FAM227A: variants seen among roughly 807,000 people sequenced by gnomAD.
FAM227A encodes the protein protein FAM227A.
FAM227A carries 80 observed loss-of-function variants against 74.7 expected under a neutral mutation model. The observed-to-expected ratio is 1.07, with a 90% CI of 0.89 to 1.29. The LOEUF is 1.29. Ranked by LOEUF, FAM227A falls within the 50% of genes most tolerant of loss-of-function variation. The probability of loss-of-function intolerance (pLI) is 0.00; values close to 1 mark genes in which losing one functional copy is unlikely to be tolerated. For synonymous variants in FAM227A, 237 were observed against 241.8 expected (o/e 0.98, Z 0.19); for missense variants, 654 against 683.4 (o/e 0.96, Z 0.48).
chr22:38,586,489 C>A (rs2090812334), intron 16 of FAM227A, among the ~76,000 whole-genome samples: 1 of 152,104 alleles, frequency 6.6e-6, no homozygotes, highest in Admixed American at 6.5e-5. Context: ...GGTACTACTC[C>A]ATTGGAGGTG....
intron 2 of FAM227A, among the ~76,000 whole-genome samples, chr22:38,648,336 G>T (rs1386911013): frequency 6.6e-6 from 1 of 151,280 alleles, no homozygotes; most frequent in Non-Finnish European, 1.5e-5. Flanking sequence ...GCTGGGTGCA[G>T]TGGCTCATGC....
At position 38,622,967 on chromosome 22, in the gene FAM227A, A is replaced by G. The variant is rs182883705; in HGVS notation, c.958+205T>C. ...CTCATTATCTGGCATCCACTATTCC[A>G]ATACAAAATTCCATCCCCTGCCTCC... is the stretch of plus-strand genomic sequence containing the variant. On this transcript the variant is annotated intron_variant, in intron 10 of 16. Coordinates refer to ENST00000535113, the MANE Select transcript of FAM227A (RefSeq NM_001013647.2). Among the ~76,000 whole-genome samples, 348 of 151,624 alleles carry G rather than the reference A, an allele frequency of 2.3e-3. 2 individuals are homozygous for G. The highest frequency in any genetic ancestry group is 3.7e-3 in the Non-Finnish European group (250 of 67,952).
At position 38,645,483 on chromosome 22, in the gene FAM227A, A is replaced by C. The variant is rs554731220; in HGVS notation, c.225+80T>G. 22 of 825,586 alleles carry C rather than the reference A, an allele frequency of 2.7e-5. No homozygotes were observed. The South Asian group carries it at 2.7e-4, about 10-fold the overall frequency. 51.1% of individuals were successfully genotyped at this position (825,586 alleles called of 1,614,324 possible). The stretch of plus-strand genomic sequence containing the variant: ...GTTTTCAAATAAATGGAGAGGCCCC[A>C]GGGCACTGCAACACCTTGATGATCC... On this transcript the variant is annotated intron_variant, in intron 3 of 16. Coordinates refer to ENST00000535113, the MANE Select transcript of FAM227A (RefSeq NM_001013647.2).
Position 38,628,901 on chromosome 22 carries a change from A to G in FAM227A, c.554T>C (p.Leu185Pro). 1.9e-6 allele frequency: 3 copies of G among 1,543,578 alleles called. No homozygotes were observed. The African/African-American group carries it at 4.1e-5, about 21-fold the overall frequency. ...GATGGCTCTTGGAGAAGAAGAAGAGAGAAACTTCTCTAATTCTCTACCTGA... is the reference window on the plus strand; with the variant it reads ...GATGGCTCTTGGAGAAGAAGAAGAGGGAAACTTCTCTAATTCTCTACCTGA... ...FCSGRELEKFLSSSSPRAIWL... is the reference protein window; with the variant it reads ...FCSGRELEKFPSSSSPRAIWL... Residue 185 changes from leucine (L) to proline (P), a missense_variant, in exon 7 of 17, where the codon CTC becomes CCC. Coordinates refer to ENST00000535113, the MANE Select transcript of FAM227A (RefSeq NM_001013647.2).
chr22:38,655,650 T>C (rs964716179), intron 1 of FAM227A, among the ~76,000 whole-genome samples: 1 of 152,264 alleles, frequency 6.6e-6, no homozygotes, highest in Admixed American at 6.5e-5. Flanking sequence ...GCTTTCTTTT[T>C]TACTTTTTAA....
chr22:38,626,892 ATATATATATATAT>A (rs1422071100), intron 8 of FAM227A, among the ~76,000 whole-genome samples: 3 of 59,214 alleles, frequency 5.1e-5, no homozygotes, highest in African/African-American at 2.9e-4. Flanking sequence ...AAAAAAAAAA[ATATATATATATAT>A]ATATATATAC....
intron 7 of FAM227A, 97 bp downstream of exon 7, chr22:38,628,737 G>A: frequency 1.3e-6 from 1 of 778,096 alleles, no homozygotes; most frequent in Non-Finnish European, 2.2e-6. Context: ...TGCTCCATGG[G>A]ATCAGAGGGG....
At position 38,591,255 on chromosome 22, in the gene FAM227A, T is replaced by A. The variant is rs183008465; in HGVS notation, c.1638+180A>T. 10 of 1,208,588 alleles carry A rather than the reference T, an allele frequency of 8.3e-6. No individual in the cohort carries two copies. The Admixed American group carries it at 3.8e-4, about 45-fold the overall frequency. The allele number at this position is 1,208,588 out of a possible 1,614,324, so 74.9% of individuals were successfully genotyped here. On this transcript the variant is annotated intron_variant, in intron 16 of 16. Coordinates refer to ENST00000535113, the MANE Select transcript of FAM227A (RefSeq NM_001013647.2). ...GGGAGGATTGCTTGAGCCCAGGAGG[T>A]GGAGGCTGCAGTGAGCTATGATGGC...
chr22:38,624,454 C>A (rs544982897), intron 9 of FAM227A, among the ~76,000 whole-genome samples: 37 of 152,266 alleles, frequency 2.4e-4, no homozygotes, highest in Non-Finnish European at 7.4e-5. Flanking sequence ...GACTGCTATC[C>A]TTAGAAAGGC....
intron 1 of FAM227A, among the ~76,000 whole-genome samples, chr22:38,654,020 C>G (rs2145759905): frequency 6.6e-6 from 1 of 152,250 alleles, no homozygotes; most frequent in African/African-American, 2.4e-5. Context: ...ACAAGGAGAT[C>G]AAGGTGCTAA....
chr22:38,654,552 A>C, intron 1 of FAM227A, among the ~76,000 whole-genome samples: 1 of 151,560 alleles, frequency 6.6e-6, no homozygotes, highest in Admixed American at 6.6e-5. Flanking sequence ...GCAGTGGCTC[A>C]TACCTGTAAT....
intron 14 of FAM227A, among the ~76,000 whole-genome samples, chr22:38,598,242 GTAGT>G (rs1229750948): frequency 6.6e-6 from 1 of 152,064 alleles, no homozygotes; most frequent in Non-Finnish European, 1.5e-5. Context: ...CATAATCCTG[GTAGT>G]TATTTATGTA....
intron 11 of FAM227A, among the ~76,000 whole-genome samples, chr22:38,617,633 T>C (rs180843899): frequency 1.7e-4 from 26 of 152,236 alleles, no homozygotes; most frequent in African/African-American, 6.3e-4. Context: ...TCCAATGCCA[T>C]TTGTTAAGGA....
intron 11 of FAM227A, among the ~76,000 whole-genome samples, chr22:38,612,392 C>T (rs1569205646): frequency 1.3e-5 from 2 of 152,196 alleles, no homozygotes; most frequent in Non-Finnish European, 2.9e-5. Context: ...TTCCTGAACA[C>T]TCGAGCTCTT....
At chr22:38,651,819 A>G (rs1487999824) in intron 1 of FAM227A, among the ~76,000 whole-genome samples, 2 of 152,178 alleles carry the variant, frequency 1.3e-5, no homozygotes, top group African/African-American at 4.8e-5. Context: ...AGGGCAGAAG[A>G]GTGGAAGAGT....
At chr22:38,611,227 C>T (rs538831951) in intron 11 of FAM227A, among the ~76,000 whole-genome samples, 3 of 152,230 alleles carry the variant, frequency 2.0e-5, no homozygotes, top group Admixed American at 1.3e-4. Context: ...GTGTTCCAGC[C>T]CACCTGGCCA....
At chr22:38,628,758 A>T in intron 7 of FAM227A, 76 bp downstream of exon 7, 1 of 898,768 alleles carries the variant, frequency 1.1e-6, no homozygotes, top group Non-Finnish European at 1.8e-6. Flanking sequence ...CTTGTAGCTC[A>T]TGTCAAAGAG....
intron 11 of FAM227A, among the ~76,000 whole-genome samples, chr22:38,613,150 ATAT>A (rs1214225233): frequency 1.1e-5 from 1 of 90,604 alleles, no homozygotes; most frequent in Non-Finnish European, 2.0e-5. Context: ...TATATATTAT[ATAT>A]TATATATCTA....
intron 6 of FAM227A, among the ~76,000 whole-genome samples, chr22:38,630,618 T>A (rs1335874508): frequency 6.6e-6 from 1 of 152,086 alleles, no homozygotes; most frequent in Non-Finnish European, 1.5e-5. Context: ...AGTATACTAG[T>A]TACTGATTGT....
Sources: allele counts gnomAD v4.1 joint callset (sites outside exome capture counted in the v4.1 genomes callset), GRCh38; gene constraint gnomAD v4.1.1; transcripts MANE v1.5; gene names NCBI Gene and HGNC (gene_info 2026-07-23, HGNC 2026-07-21).